PNRC1: variants seen among roughly 807,000 people sequenced by gnomAD.
PNRC1 encodes proline rich nuclear receptor coactivator 1.
In PNRC1, 6 loss-of-function variants were observed where a neutral mutation model predicts 20.2. The observed-to-expected ratio is 0.30, with a 90% CI of 0.16 to 0.59. PNRC1 has a LOEUF of 0.59. Among genes scored for constraint, PNRC1 ranks in the 20% least tolerant of loss-of-function variants. PNRC1 has a pLI of 0.89. For missense variants in PNRC1, 488 were observed against 430.2 expected, an observed-to-expected ratio of 1.13 and a Z score of -1.19; for synonymous variants, 202 against 186.9, an observed-to-expected ratio of 1.08 and a Z score of -0.66.
At position 89,081,158 on chromosome 6, in the gene PNRC1, C is replaced by G. The variant is rs201391956; in HGVS notation, c.264C>G (p.Gly88=). The G allele has an allele frequency of 2.2e-4, 345 of 1,600,182 alleles. 2 individuals are homozygous for G. In the African/African-American group the frequency reaches 4.0e-3, roughly 18 times the overall value. ...ACCGCAGCCTCGCCGTGGCGGGAGG[C>G]ACTCCTCGGGCAGCGCCGAAGAAGC... The part of the protein sequence containing the change: ...LPNRSLAVAG[G]TPRAAPKKRR... The change falls in exon 1 of 2, where the codon GGC becomes GGG. Residue 88 remains glycine (G), a synonymous_variant. Coordinates refer to ENST00000336032, the MANE Select transcript of PNRC1 (RefSeq NM_006813.3).
chr6:89,084,234 C>A lies in PNRC1; in HGVS notation c.*38C>A. On this transcript the variant is annotated 3_prime_UTR_variant, in exon 2 of 2. Coordinates refer to ENST00000336032, the MANE Select transcript of PNRC1 (RefSeq NM_006813.3). ...AGTATGTGTGTAAAACATAATTTTT[C>A]CCATATCCCTGGACTCTTGAGAAAA... 7.0e-7 allele frequency: 1 copy of A among 1,422,304 alleles called. No individual in the cohort carries two copies. The highest frequency in any genetic ancestry group is 1.4e-5 in the South Asian group (1 of 73,648). 88.1% of individuals were successfully genotyped at this position (1,422,304 alleles called of 1,614,324 possible).
exon 2 of PNRC1, chr6:89,085,157 C>CAGATTTTGAGTGGGAATGTTAAGCAA (rs1768092107): frequency 6.6e-6 from 1 of 152,112 alleles, no homozygotes; most frequent in Admixed American, 6.5e-5. Context: ...GTAAGGGAGA[C>CAGATTTTGAGTGGGAATGTTAAGCAA]AGATTTTGAG....
rs748629618 is a variant in PNRC1, at chr6:89,080,890, G to A, written c.-5G>A. On this transcript the variant is annotated 5_prime_UTR_variant, in exon 1 of 2. Transcript: ENST00000336032. ...TCGTTGCTGAGCGACAAGCTTCCTAGCGCTATGACTGTCGTCTCCGTCCCG... is the reference window on the plus strand; with the variant it reads ...TCGTTGCTGAGCGACAAGCTTCCTAACGCTATGACTGTCGTCTCCGTCCCG... The A allele has an allele frequency of 6.2e-7, 1 of 1,609,508 alleles. No individual in the cohort carries two copies. The highest frequency in any genetic ancestry group is 8.5e-7 in the Non-Finnish European group (1 of 1,179,938).
rs376425738 is a variant in PNRC1 at position 89,080,909 on chromosome 6, C to T, written c.15C>T (p.Ser5=). The T allele has an allele frequency of 3.7e-6, 6 of 1,611,652 alleles. No individual in the cohort carries two copies. Among genetic ancestry groups the T allele is most frequent in the Non-Finnish European group, 4.2e-6 (5 of 1,180,000 alleles). The change falls in exon 1 of 2, where the codon TCC becomes TCT. Residue 5 remains serine, a synonymous_variant. Coordinates refer to ENST00000336032, the MANE Select transcript of PNRC1 (RefSeq NM_006813.3). ...TTCCTAGCGCTATGACTGTCGTCTC[C>T]GTCCCGCAGCGGGAGCCGCTCGTCC... MTVV[S]VPQREPLVLG...
In PNRC1 at chr6:89,081,381, G is replaced by T. The variant is rs900022236; in HGVS notation, c.487G>T (p.Asp163Tyr). 12 of 1,373,416 alleles carry T rather than the reference G, an allele frequency of 8.7e-6. No individual in the cohort carries two copies. The highest frequency in any genetic ancestry group is 1.7e-5 in the South Asian group (1 of 58,960). 85.1% of individuals were successfully genotyped at this position (1,373,416 alleles called of 1,614,324 possible). Residue 163 changes from aspartate to tyrosine, a missense_variant, in exon 1 of 2, where the codon GAC (aspartate) becomes TAC (tyrosine). Asp to Tyr is a radical substitution (Grantham distance 160). Transcript: ENST00000336032. ...AGCCGGCACGGAGGGAGCCAGCCCC[G>T]ACCTTGCCCCGCTGCGGCCCGCGGC... ...AAAGTEGASP[D>Y]LAPLRPAAPG...
intron 1 of PNRC1, among the ~76,000 whole-genome samples, chr6:89,083,265 G>C (rs1432668274): frequency 6.6e-6 from 1 of 152,232 alleles, no homozygotes; most frequent in Non-Finnish European, 1.5e-5. Context: ...AAAGTGCTGG[G>C]ATTACAGGCG....
chr6:89,082,707 A>G (rs1768029283), intron 1 of PNRC1: 1 of 152,150 alleles, frequency 6.6e-6, no homozygotes, highest in South Asian at 2.1e-4. Flanking sequence ...GACTTCCTAT[A>G]AGGCCCACTT....
chr6:89,082,489 T>A (rs186575660), intron 1 of PNRC1: 19 of 152,372 alleles, frequency 1.2e-4, no homozygotes, highest in Non-Finnish European at 1.5e-5. Flanking sequence ...CCACGACTTT[T>A]GAAATATCCG....
chr6:89,082,579 C>A (rs1768026407), intron 1 of PNRC1: 1 of 152,196 alleles, frequency 6.6e-6, no homozygotes, highest in Non-Finnish European at 1.5e-5. Flanking sequence ...TGGCAGTGAA[C>A]CTTATTGACG....
rs965770346 is a variant in PNRC1 at position 89,083,037 on chromosome 6, A to G, written c.541-716A>G. Among the ~76,000 whole-genome samples the G allele has an allele frequency of 1.4e-4, 21 of 150,416 alleles. No homozygotes were observed. In the South Asian group the frequency reaches 1.9e-3, roughly 13 times the overall value. ...TTTTCTTGAGACAGAGTCTGCCTCT[A>G]TCGCACTCCAGGCTGGAATGCAGTG... is the stretch of plus-strand genomic sequence containing the variant. On this transcript the variant is annotated intron_variant, in intron 1 of 1. Coordinates refer to ENST00000336032, the MANE Select transcript of PNRC1 (RefSeq NM_006813.3).
In PNRC1 at chr6:89,084,011, TC is replaced by T. The variant is rs1768059943; in HGVS notation, c.800del (p.Ser267Ter). The T allele has an allele frequency of 6.2e-7, 1 of 1,613,854 alleles. No individual in the cohort carries two copies. The highest frequency in any genetic ancestry group is 1.1e-5 in the South Asian group (1 of 91,034). ...CATTAAAAATTCGCATTTGAAGAAA[TC>T]AGCATTTCTAACTGAAGTGAGCCAA... ...ENIKNSHLKK[S>X]AFLTEVSQKE... On this transcript the variant is annotated frameshift_variant, in exon 2 of 2. Transcript: ENST00000336032. LOFTEE classifies it high-confidence loss of function.
Position 89,081,418 on chromosome 6 carries a change from C to G in PNRC1, c.524C>G (p.Thr175Ser). Reference protein sequence around the residue: ...APLRPAAPGQTPLRKEVLKSK... With the variant: ...APLRPAAPGQSPLRKEVLKSK... ...CTGCGGCCCGCGGCTCCCGGCCAAA[C>G]CCCCCTCAGGAAAGAGGTGAGGCCG... The change falls in exon 1 of 2, where the codon ACC becomes AGC. Residue 175 changes from threonine to serine, a missense_variant. Transcript: ENST00000336032. 7.5e-7 allele frequency: 1 copy of G among 1,336,928 alleles called. No individual in the cohort carries two copies. The highest frequency in any genetic ancestry group is 1.9e-5 in the South Asian group (1 of 51,774). 82.8% of individuals were successfully genotyped at this position (1,336,928 alleles called of 1,614,324 possible).
intron 1 of PNRC1, chr6:89,082,460 A>G (rs1330359077): frequency 2.0e-5 from 3 of 152,194 alleles, no homozygotes; most frequent in African/African-American, 7.2e-5. Context: ...TATCGTCTCA[A>G]TGTCTCCCTT....
chr6:89,080,937 G>T lies in PNRC1; in HGVS notation c.43G>T (p.Gly15Cys), dbSNP rs148836277. Residue 15 changes from glycine (G) to cysteine (C), a missense_variant, in exon 1 of 2, where the codon GGT (glycine) becomes TGT (cysteine). Transcript: ENST00000336032. ...SVPQREPLVLGGRLAPLGFSS... is the reference protein window; with the variant it reads ...SVPQREPLVLCGRLAPLGFSS... The stretch of plus-strand genomic sequence containing the variant: ...CCCGCAGCGGGAGCCGCTCGTCCTG[G>T]GTGGCCGCCTTGCGCCGCTTGGCTT... The T allele has an allele frequency of 9.2e-4, 1,481 of 1,613,000 alleles. 3 individuals are homozygous for T. The highest frequency in any genetic ancestry group is 1.2e-3 in the Non-Finnish European group (1,421 of 1,180,006).
In PNRC1 at chr6:89,080,983, G is replaced by A. The variant is rs758308333; in HGVS notation, c.89G>A (p.Gly30Glu). The change falls in exon 1 of 2, where the codon GGG becomes GAG. Residue 30 changes from glycine (G) to glutamate (E), a missense_variant. By Grantham distance (98) the Gly-to-Glu change is moderately conservative (BLOSUM62 -2). Coordinates refer to ENST00000336032, the MANE Select transcript of PNRC1 (RefSeq NM_006813.3). ...PLGFSSRGYF[G>E]ALPMVTTAPP... ...GGCTTTTCCTCCCGAGGTTACTTTG[G>A]GGCCCTCCCGATGGTGACCACGGCT... is the stretch of plus-strand genomic sequence containing the variant. The A allele has an allele frequency of 1.2e-6, 2 of 1,613,220 alleles. No homozygotes were observed. Among genetic ancestry groups the A allele is most frequent in the Non-Finnish European group, 1.7e-6 (2 of 1,180,002 alleles).
intron 1 of PNRC1, chr6:89,081,697 C>G (rs1365305120): frequency 2.1e-5 from 6 of 287,236 alleles, no homozygotes; most frequent in Non-Finnish European, 3.8e-5. Flanking sequence ...CCAGCAACAG[C>G]CCCGATTTAG....
Position 89,084,850 on chromosome 6 carries a change from CTT to C in PNRC1, c.*656_*657del, listed in dbSNP as rs571945117. 8.5e-5 allele frequency: 13 copies of C among 152,210 alleles called. No homozygotes were observed. The highest frequency in any genetic ancestry group is 3.4e-3 in the Middle Eastern group (1 of 294). 9.4% of individuals were successfully genotyped at this position (152,210 alleles called of 1,614,324 possible). A position where few individuals can be genotyped will look rare whatever the true frequency, so the allele number is the denominator to read the frequency against. Reference sequence around the variant, plus strand: ...CCCCCCTTTTAAAATAGTCTTGACTCTTTGTGTGTGACTGTTTCTCATGTTTG... The same window carrying C: ...CCCCCCTTTTAAAATAGTCTTGACTCTGTGTGTGACTGTTTCTCATGTTTG... On this transcript the variant is annotated 3_prime_UTR_variant, in exon 2 of 2. Transcript: ENST00000336032.
At chr6:89,083,260 G>A (rs1285934254) in intron 1 of PNRC1, among the ~76,000 whole-genome samples, 2 of 152,232 alleles carry the variant, frequency 1.3e-5, no homozygotes, top group Admixed American at 6.5e-5. Context: ...CTCCCAAAGT[G>A]CTGGGATTAC....
Position 89,080,939 on chromosome 6 carries a change from T to G in PNRC1, c.45T>G (p.Gly15=), listed in dbSNP as rs1767966613. ...SVPQREPLVL[G]GRLAPLGFSS... ...CGCAGCGGGAGCCGCTCGTCCTGGGTGGCCGCCTTGCGCCGCTTGGCTTTT... is the reference window on the plus strand; with the variant it reads ...CGCAGCGGGAGCCGCTCGTCCTGGGGGGCCGCCTTGCGCCGCTTGGCTTTT... Residue 15 remains glycine (G), a synonymous_variant, in exon 1 of 2, where the codon GGT becomes GGG. Coordinates refer to ENST00000336032, the MANE Select transcript of PNRC1 (RefSeq NM_006813.3). 1 of 1,613,092 alleles carries G rather than the reference T, an allele frequency of 6.2e-7. No individual in the cohort carries two copies. Among genetic ancestry groups the G allele is most frequent in the South Asian group, 1.1e-5 (1 of 91,088 alleles).
Sources: allele counts gnomAD v4.1 joint callset (sites outside exome capture counted in the v4.1 genomes callset), GRCh38; gene constraint gnomAD v4.1.1; transcripts MANE v1.5; gene names NCBI Gene and HGNC (gene_info 2026-07-23, HGNC 2026-07-21).